KLHL22: variants seen among roughly 807,000 people sequenced by gnomAD.
KLHL22 encodes the protein kelch-like protein 22.
Under a neutral mutation model 60.7 loss-of-function variants are expected in KLHL22, and 18 were observed. That is an observed-to-expected ratio of 0.30 (90% confidence interval 0.20 to 0.44). The LOEUF is 0.44. Ranked by LOEUF, KLHL22 falls within the 20% of genes least tolerant of loss-of-function variation. The probability of loss-of-function intolerance (pLI) is 1.00; values close to 1 mark genes in which losing one functional copy is unlikely to be tolerated. For missense variants in KLHL22, 596 were observed against 852.3 expected, an observed-to-expected ratio of 0.70 and a Z score of 3.74; for synonymous variants, 355 against 354.5, an observed-to-expected ratio of 1.00 and a Z score of -0.01.
intron 3 of KLHL22, among the ~76,000 whole-genome samples, chr22:20,466,784 T>C (rs537334367): frequency 2.0e-5 from 3 of 152,348 alleles, no homozygotes; most frequent in South Asian, 2.1e-4. Flanking sequence ...CTCAGGGTTC[T>C]TGAGGTTCCC....
chr22:20,487,463 C>G (rs556170787), intron 2 of KLHL22, among the ~76,000 whole-genome samples: 1 of 151,902 alleles, frequency 6.6e-6, no homozygotes, highest in African/African-American at 2.4e-5. Flanking sequence ...CTCAAGTGAT[C>G]CACCTGCCTT....
In KLHL22 at chr22:20,465,725, A is replaced by G. The variant is rs1269446767; in HGVS notation, c.394-149T>C. ...AATTGTCCCCGACCTTTTCTGACAC[A>G]CTGGAGACTGGGGCTTACTGCAGAC... On this transcript the variant is annotated intron_variant, in intron 3 of 6. Coordinates refer to ENST00000328879, the MANE Select transcript of KLHL22 (RefSeq NM_032775.4). This position sits in a 1 kb window ranked among gnomAD's most constrained non-coding sequence, Gnocchi z 4.9. 9.4e-6 allele frequency: 6 copies of G among 638,020 alleles called. No homozygotes were observed. Among genetic ancestry groups the G allele is most frequent in the African/African-American group, 1.8e-5 (1 of 55,114 alleles). The allele number at this position is 638,020 out of a possible 1,614,324, so 39.5% of individuals were successfully genotyped here.
intron 1 of KLHL22, among the ~76,000 whole-genome samples, chr22:20,494,992 G>A (rs1371055967): frequency 1.3e-5 from 2 of 152,204 alleles, no homozygotes; most frequent in East Asian, 1.9e-4. Flanking sequence ...GGGCGGCTGC[G>A]GTAGAGGAGA....
chr22:20,451,251 A>G lies in KLHL22; in HGVS notation c.1306-4575T>C, dbSNP rs559608243. Reference sequence around the variant, plus strand: ...GTCTTGCTGGAGCCACCACCCTGGGAGATTTGATCTATGTCTCTGGAGGCT... The same window carrying G: ...GTCTTGCTGGAGCCACCACCCTGGGGGATTTGATCTATGTCTCTGGAGGCT... On this transcript the variant is annotated intron_variant, in intron 5 of 6. Coordinates refer to ENST00000328879, the MANE Select transcript of KLHL22 (RefSeq NM_032775.4). 3 of 1,604,058 alleles carry G rather than the reference A, an allele frequency of 1.9e-6. No individual in the cohort carries two copies. In the South Asian group the frequency reaches 3.3e-5, roughly 18 times the overall value.
intron 2 of KLHL22, among the ~76,000 whole-genome samples, chr22:20,487,461 A>G (rs2053605256): frequency 6.6e-6 from 1 of 150,750 alleles, no homozygotes; most frequent in Non-Finnish European, 1.5e-5. Context: ...GCCTCAAGTG[A>G]TCCACCTGCC....
chr22:20,484,216 C>T (rs2053550935), intron 2 of KLHL22: 2 of 449,066 alleles, frequency 4.5e-6, no homozygotes, highest in Non-Finnish European at 8.6e-6. Context: ...TGGTCTCCAA[C>T]TCTGGACCTC....
At chr22:20,455,012 G>A (rs1380524409) in intron 5 of KLHL22, among the ~76,000 whole-genome samples, 2 of 152,120 alleles carry the variant, frequency 1.3e-5, no homozygotes, top group Non-Finnish European at 2.9e-5. Context: ...CTCCTGAGTA[G>A]CTGGGACTAT....
chr22:20,480,646 T>G (rs575908352), intron 2 of KLHL22, among the ~76,000 whole-genome samples: 1 of 152,136 alleles, frequency 6.6e-6, no homozygotes, highest in African/African-American at 2.4e-5. Context: ...TGAGAAATAC[T>G]GTACACATGC....
chr22:20,483,222 T>G, intron 2 of KLHL22: 1 of 674,966 alleles, frequency 1.5e-6, no homozygotes, highest in Non-Finnish European at 2.7e-6. Context: ...ACTCCGTGAT[T>G]GTCATCTCAG....
chr22:20,446,634 T>C lies in KLHL22; in HGVS notation c.1348A>G (p.Ile450Val). The change falls in exon 6 of 7, where the codon ATC (isoleucine) becomes GTC (valine). Residue 450 changes from isoleucine to valine, a missense_variant. Ile to Val is a conservative substitution (Grantham distance 29, BLOSUM62 3). Transcript: ENST00000328879. ...TCCTCCCCTCTGCGGCCGCAGGTGA[T>C]ATACATCTTCCCCTCCAGCGTCGCG... Reference protein sequence around the residue: ...AGATLEGKMYITCGRRGEDYL... With the variant: ...AGATLEGKMYVTCGRRGEDYL... The C allele has an allele frequency of 6.2e-7, 1 of 1,613,282 alleles. No individual in the cohort carries two copies. The highest frequency in any genetic ancestry group is 8.5e-7 in the Non-Finnish European group (1 of 1,180,042).
intron 4 of KLHL22, among the ~76,000 whole-genome samples, chr22:20,462,170 A>G (rs2053165375): frequency 6.7e-6 from 1 of 148,312 alleles, no homozygotes. Flanking sequence ...CCAGCTATTC[A>G]GGAGGCTGAG....
chr22:20,472,517 G>A (rs1350723531), intron 2 of KLHL22, among the ~76,000 whole-genome samples: 2 of 152,098 alleles, frequency 1.3e-5, no homozygotes, highest in Non-Finnish European at 2.9e-5. Flanking sequence ...CCTGAGGTCA[G>A]GAGTTCAAGA....
At chr22:20,494,404 G>C (rs2053738023) in intron 1 of KLHL22, among the ~76,000 whole-genome samples, 1 of 151,834 alleles carries the variant, frequency 6.6e-6, no homozygotes, top group Admixed American at 6.6e-5. Context: ...TTGTAGAGAA[G>C]AGGTTTCACT....
chr22:20,480,827 C>CTTTTTT (rs760373717), intron 2 of KLHL22, among the ~76,000 whole-genome samples: 2 of 121,568 alleles, frequency 1.6e-5, no homozygotes, highest in African/African-American at 3.0e-5. Context: ...TTACGCCAAA[C>CTTTTTT]TTTTTTTTTT....
At chr22:20,452,753 A>G (rs2052999827) in intron 5 of KLHL22, among the ~76,000 whole-genome samples, 2 of 152,166 alleles carry the variant, frequency 1.3e-5, no homozygotes, top group South Asian at 4.1e-4. Context: ...TCTTTGTTGA[A>G]TCAAATACTA....
intron 3 of KLHL22, among the ~76,000 whole-genome samples, chr22:20,469,498 T>C (rs1017791346): frequency 3.3e-5 from 5 of 151,952 alleles, no homozygotes; most frequent in Admixed American, 6.6e-5. Context: ...GGGTGGAGAA[T>C]TGGATGAGGG....
At chr22:20,488,681 A>AGGGAGGTGAGGGGAGGGGAGAGGAG in intron 2 of KLHL22, 1 of 382,708 alleles carries the variant, frequency 2.6e-6, no homozygotes, top group South Asian at 2.5e-5. Context: ...AGGAATGGTA[A>AGGGAGGTGAGGGGAGGGGAGAGGAG]GGGAGGGGAG....
chr22:20,475,163 T>C (rs1325443743), intron 2 of KLHL22: 20 of 149,012 alleles, frequency 1.3e-4, no homozygotes, highest in Admixed American at 7.0e-5. Flanking sequence ...TATTGCTTTT[T>C]TGCCATGCAG....
chr22:20,485,606 G>A (rs559364703), intron 2 of KLHL22, among the ~76,000 whole-genome samples: 1 of 152,336 alleles, frequency 6.6e-6, no homozygotes, highest in South Asian at 2.1e-4. Context: ...GGTGGCTCAC[G>A]TCTGTAATCC....
Sources: gnomAD v4.1 joint callset for allele counts (sites outside exome capture counted in the v4.1 genomes callset) on GRCh38, gnomAD v4.1.1 for gene constraint, Gnocchi (gnomAD v3.1) non-coding constraint, MANE v1.5 for transcripts, NCBI Gene and HGNC (gene_info 2026-07-23, HGNC 2026-07-21) for gene names.